Variants in FANCD2 observed in about 807,000 individuals in gnomAD.
FANCD2 encodes Fanconi anemia group D2 protein.
A neutral mutation model predicts 192.3 loss-of-function variants in FANCD2; 131 were observed. The observed-to-expected ratio is 0.68, with a 90% confidence interval of 0.59 to 0.79. The LOEUF (loss-of-function observed/expected upper bound fraction) is 0.79, where lower values mean the gene tolerates loss of function less well. Among genes scored for constraint, FANCD2 ranks in the 30% least tolerant of loss-of-function variants. The pLI, the probability that FANCD2 is intolerant of heterozygous loss-of-function variation, is 0.00. For missense variants in FANCD2, 1,508 were observed against 1,701.6 expected (o/e 0.89, Z 2.00); for synonymous variants, 524 against 612.5 (o/e 0.86, Z 2.13).
intron 1 of FANCD2, among the ~76,000 whole-genome samples, chr3:10,027,618 C>T (rs2086484091): frequency 6.6e-6 from 1 of 152,104 alleles, no homozygotes; most frequent in Non-Finnish European, 1.5e-5. Flanking sequence ...AAAATCACTT[C>T]TTCAGGCCGG....
chr3:10,045,675 C>T (rs1388216337), intron 14 of FANCD2: 3 of 148,582 alleles, frequency 2.0e-5, no homozygotes, highest in Non-Finnish European at 4.4e-5. Context: ...GATCTCGGCT[C>T]ACTGCAACCT....
intron 11 of FANCD2, 137 bp downstream of exon 11, chr3:10,042,800 A>T: frequency 1.2e-6 from 1 of 816,286 alleles, no homozygotes; most frequent in Non-Finnish European, 2.1e-6. Flanking sequence ...CAACAGATTC[A>T]TTGATCTATA....
Position 10,081,330 on chromosome 3 carries a change from T to C in FANCD2, c.3106-16T>C. ...AATTACTGAAGCAACTGTCCTAAAA[T>C]CATTTTTATTTTTAGTGTTTAGCTG... is the stretch of plus-strand genomic sequence containing the variant. On this transcript the variant is annotated splice_polypyrimidine_tract_variant and intron_variant, in intron 31 of 43. Transcript: ENST00000675286. The C allele has an allele frequency of 6.2e-7, 1 of 1,612,770 alleles. No individual in the cohort carries two copies. Among genetic ancestry groups the C allele is most frequent in the Non-Finnish European group, 8.5e-7 (1 of 1,178,800 alleles).
intron 6 of FANCD2, among the ~76,000 whole-genome samples, chr3:10,035,871 C>A (rs2086715065): frequency 6.6e-6 from 1 of 152,080 alleles, no homozygotes; most frequent in Non-Finnish European, 1.5e-5. Context: ...TGTGGATTAA[C>A]AGTTATTGTA....
Position 10,101,344 on chromosome 3 carries a change from C to T in FANCD2, c.*82C>T. ...GTTAGAGTTTGAAATCCGCTGTTTG[C>T]CTTTCTTACTGGTAGGATCCTTTTT... On this transcript the variant is annotated 3_prime_UTR_variant, in exon 44 of 44. Coordinates refer to ENST00000675286, the MANE Select transcript of FANCD2 (RefSeq NM_001018115.3). 1 of 928,004 alleles carries T rather than the reference C, an allele frequency of 1.1e-6. No homozygotes were observed. Among genetic ancestry groups the T allele is most frequent in the Non-Finnish European group, 1.8e-6 (1 of 569,118 alleles). 57.5% of individuals were successfully genotyped at this position (928,004 alleles called of 1,614,324 possible). A position where few individuals can be genotyped will look rare whatever the true frequency, so the allele number is the denominator to read the frequency against.
Position 10,081,164 on chromosome 3 carries a change from A to T in FANCD2, c.3041A>T (p.His1014Leu), listed in dbSNP as rs752062671. 6.2e-7 allele frequency: 1 copy of T among 1,614,076 alleles called. No individual in the cohort carries two copies. Among genetic ancestry groups the T allele is most frequent in the Non-Finnish European group, 8.5e-7 (1 of 1,180,030 alleles). ...LQQRSAQEIV[H>L]CVFQLLTPMC... is the part of the protein sequence containing the mutation. ...CAGAGATCTGCCCAAGAAATTGTTC[A>T]TTGTGTTTTTCAACTGCTGACCCCA... The change falls in exon 31 of 44, where the codon CAT becomes CTT. Residue 1014 changes from histidine to leucine, a missense_variant. Coordinates refer to ENST00000675286, the MANE Select transcript of FANCD2 (RefSeq NM_001018115.3).
At position 10,060,401 on chromosome 3, in the gene FANCD2, C is replaced by G. The variant is rs764832852; in HGVS notation, c.1764C>G (p.Asp588Glu). Residue 588 changes from aspartate to glutamate, a missense_variant and splice_region_variant, in exon 19 of 44, where the codon GAC (aspartate) becomes GAG (glutamate). Around this residue, in one of 5 missense-constraint regions of FANCD2, gnomAD observed 110 missense variants for 114.4 expected, o/e 0.96. Coordinates refer to ENST00000675286, the MANE Select transcript of FANCD2 (RefSeq NM_001018115.3). Reference protein sequence around the residue: ...AVTMAGIMAADRSESPSLTQE... With the variant: ...AVTMAGIMAAERSESPSLTQE... ...CCATGGCTGGCATCATGGCGGCAGA[C>G]AGGTACACGTGGAGATTCTGACTTC... 2.6e-5 allele frequency: 42 copies of G among 1,611,338 alleles called. No individual in the cohort carries two copies. The South Asian group carries it at 4.5e-4, about 17-fold the overall frequency.
At chr3:10,054,361 A>G (rs138347896) in intron 18 of FANCD2, among the ~76,000 whole-genome samples, 24,525 of 126,030 alleles carry the variant, frequency 0.19, 2,992 homozygotes, top group African/African-American at 0.36. Flanking sequence ...ACGTATATAT[A>G]TATATACGTG....
At chr3:10,091,790 G>C (rs1694625534) in intron 37 of FANCD2, among the ~76,000 whole-genome samples, 1 of 152,144 alleles carries the variant, frequency 6.6e-6, no homozygotes, top group Non-Finnish European at 1.5e-5. Context: ...TTGGACCCAA[G>C]ACATAGAAGA....
rs1444592618 is a variant in FANCD2, at chr3:10,054,429, G to GTATATACA, written c.1656+1934_1656+1941dup. Among the ~76,000 whole-genome samples, 14 of 48,038 alleles carry GTATATACA rather than the reference G, an allele frequency of 2.9e-4. No homozygotes were observed. The African/African-American group carries it at 3.2e-3, about 11-fold the overall frequency. The allele number at this position is 48,038 out of a possible 152,430, so 31.5% of individuals were successfully genotyped here. On this transcript the variant is annotated intron_variant, in intron 18 of 43. Transcript: ENST00000675286. The stretch of plus-strand genomic sequence containing the variant: ...TATATACGTATATACATATATACAT[G>GTATATACA]TATATACATGTATATACATATATAT...
At chr3:10,050,056 G>A (rs34750074) in intron 17 of FANCD2, among the ~76,000 whole-genome samples, 30,117 of 152,054 alleles carry the variant, frequency 0.2, 3,433 homozygotes, top group African/African-American at 0.31. Flanking sequence ...CATAGGACAG[G>A]CCCATGTTGC....
rs1559394489 is a variant in FANCD2, at chr3:10,072,876, C to G, written c.2500C>G (p.Pro834Ala). The G allele has an allele frequency of 2.5e-6, 4 of 1,583,592 alleles. No individual in the cohort carries two copies. The highest frequency in any genetic ancestry group is 8.7e-7 in the Non-Finnish European group (1 of 1,153,430). The part of the protein sequence containing the change: ...IILEKYLAVT[P>A]DYVPPLGNFD... ...CAGCCTGCTGTTTGTTTCAGTCACC[C>G]CAGACTATGTCCCTCCTCTTGGAAA... The change falls in exon 27 of 44, where the codon CCA (proline) becomes GCA (alanine). Residue 834 changes from proline to alanine, a missense_variant. Coordinates refer to ENST00000675286, the MANE Select transcript of FANCD2 (RefSeq NM_001018115.3).
intron 19 of FANCD2, 134 bp from the exon 20 acceptor site, chr3:10,062,016 GC>G: frequency 1.7e-6 from 1 of 578,164 alleles, no homozygotes; most frequent in Non-Finnish European, 3.2e-6. Context: ...TATACTTAAT[GC>G]TAAATGACGA....
At chr3:10,046,449 C>T in intron 14 of FANCD2, 131 bp from the exon 15 acceptor site, 1 of 1,465,522 alleles carries the variant, frequency 6.8e-7, no homozygotes, top group Non-Finnish European at 9.3e-7. Context: ...TAGATACTCC[C>T]AGGGGAGTGT....
chr3:10,088,886 G>A lies in FANCD2; in HGVS notation c.3619G>A (p.Gly1207Ser). ...GGCCATAGAGGAGATTGCTGGTGTT[G>A]GTGTCCCAGAACTGATCAACTCTCC... ...LKAIEEIAGVGVPELINSPKD... is the reference protein window; with the variant it reads ...LKAIEEIAGVSVPELINSPKD... Residue 1207 changes from glycine (G) to serine (S), a missense_variant, in exon 36 of 44, where the codon GGT becomes AGT. This residue lies in a region of FANCD2 where 796 missense variants were observed against 879.4 expected (regional missense o/e 0.91). Transcript: ENST00000675286. 1 of 1,613,688 alleles carries A rather than the reference G, an allele frequency of 6.2e-7. No homozygotes were observed. Among genetic ancestry groups the A allele is most frequent in the African/African-American group, 1.3e-5 (1 of 74,956 alleles).
At chr3:10,076,118 G>A (rs1693529039) in intron 29 of FANCD2, among the ~76,000 whole-genome samples, 1 of 151,530 alleles carries the variant, frequency 6.6e-6, no homozygotes, top group Non-Finnish European at 1.5e-5. Flanking sequence ...GCAGTTTGCA[G>A]TGAGACTGTA....
intron 30 of FANCD2, among the ~76,000 whole-genome samples, chr3:10,080,055 C>T (rs1693749033): frequency 6.6e-6 from 1 of 151,798 alleles, no homozygotes. Context: ...GCTGGGACTA[C>T]AGGTGCACGC....
rs775257720 is a variant in FANCD2, at chr3:10,064,738, A to G, written c.2031A>G (p.Pro677=). The part of the protein sequence containing the change: ...DSCVVPEGDF[P]FPVKALYGLE... ...TGGTTTTTCTCCGCAGTGACTTTCC[A>G]TTTCCTGTGAAAGCACTGTACGGAC... Residue 677 remains proline (P), a synonymous_variant, in exon 23 of 44, where the codon CCA becomes CCG. Transcript: ENST00000675286. 2 of 1,614,078 alleles carry G rather than the reference A, an allele frequency of 1.2e-6. No individual in the cohort carries two copies. The highest frequency in any genetic ancestry group is 2.2e-5 in the South Asian group (2 of 91,084).
intron 5 of FANCD2, 82 bp from the exon 6 acceptor site, chr3:10,035,091 A>C: frequency 8.3e-7 from 1 of 1,209,302 alleles, no homozygotes; most frequent in Non-Finnish European, 1.2e-6. Flanking sequence ...TTATGTATTT[A>C]ACCAATTTTA....
Sources: gnomAD v4.1 joint callset for allele counts (sites outside exome capture counted in the v4.1 genomes callset) on GRCh38, gnomAD v4.1.1 for gene constraint, gnomAD v4.1.1 regional missense constraint, MANE v1.5 for transcripts, NCBI Gene and HGNC (gene_info 2026-07-23, HGNC 2026-07-21) for gene names.